Variants in RGS7 observed in about 807,000 individuals in gnomAD.
The protein encoded by RGS7 is regulator of G protein signaling 7.
In RGS7, 27 loss-of-function variants were observed where a neutral mutation model predicts 81.1. The ratio of observed to expected loss-of-function variants is 0.33; its 90% CI spans 0.25 to 0.46. The LOEUF is 0.46. Ranked by LOEUF, RGS7 falls within the 20% of genes least tolerant of loss-of-function variation. The probability of loss-of-function intolerance (pLI) is 1.00; values close to 1 mark genes in which losing one functional copy is unlikely to be tolerated. For missense variants in RGS7, 396 were observed against 607.4 expected (o/e 0.65, Z 3.66); for synonymous variants, 208 against 207.7 (o/e 1.00, Z -0.01).
chr1:240,924,437 AC>A (rs2148317640), intron 6 of RGS7, among the ~76,000 whole-genome samples: 2 of 152,218 alleles, frequency 1.3e-5, no homozygotes, highest in East Asian at 3.9e-4. Context: ...ATAAATCATC[AC>A]CCTACAAGAT....
At chr1:241,175,744 A>G (rs1264596932) in intron 2 of RGS7, among the ~76,000 whole-genome samples, 3 of 152,218 alleles carry the variant, frequency 2.0e-5, no homozygotes, top group South Asian at 2.1e-4. Context: ...TCAGATGTCT[A>G]CGAAGACTGA....
chr1:240,779,628 TTTTGCTTA>T (rs1683640699), intron 18 of RGS7, among the ~76,000 whole-genome samples: 1 of 152,176 alleles, frequency 6.6e-6, no homozygotes. Context: ...GATAAATTTA[TTTTGCTTA>T]TAAGCTACCC....
intron 2 of RGS7, among the ~76,000 whole-genome samples, chr1:241,300,067 A>C (rs2079652595): frequency 3.3e-5 from 5 of 151,692 alleles, no homozygotes; most frequent in Admixed American, 3.3e-4. Context: ...GTGAGCCGTG[A>C]TCACGCCACT....
At chr1:241,351,414 G>A in intron 2 of RGS7, among the ~76,000 whole-genome samples, 1 of 75,470 alleles carries the variant, frequency 1.3e-5, no homozygotes. Context: ...GCAATACCCT[G>A]ACTTTATTTA....
chr1:241,292,817 GAT>G (rs912406934), intron 2 of RGS7, among the ~76,000 whole-genome samples: 26 of 152,194 alleles, frequency 1.7e-4, no homozygotes, highest in African/African-American at 6.0e-4. Flanking sequence ...GTCTTAAAAA[GAT>G]AGCACAGAAA....
chr1:240,815,777 T>C (rs1482037579), intron 11 of RGS7, among the ~76,000 whole-genome samples: 1 of 152,088 alleles, frequency 6.6e-6, no homozygotes, highest in East Asian at 1.9e-4. Context: ...TTACTTGGAG[T>C]CAACACCATT....
rs184935590 is a variant in RGS7 at position 241,327,173 on chromosome 1, G to A, written c.78+28526C>T. ...AAAGAAAGAAAGAAAGAAACACACA[G>A]ACTAAGATCAAGCCATAGGTACAGG... is the stretch of plus-strand genomic sequence containing the variant. On this transcript the variant is annotated intron_variant, in intron 2 of 18. Coordinates refer to ENST00000440928, the MANE Select transcript of RGS7 (RefSeq NM_001364886.1). Among the ~76,000 whole-genome samples, 86 of 146,188 alleles carry A rather than the reference G, an allele frequency of 5.9e-4. 1 individual carries two copies. Among genetic ancestry groups the A allele is most frequent in the African/African-American group, 1.9e-3 (76 of 39,792 alleles).
At chr1:241,290,591 T>A (rs7549927) in intron 2 of RGS7, among the ~76,000 whole-genome samples, 1 of 152,134 alleles carries the variant, frequency 6.6e-6, no homozygotes, top group Admixed American at 6.5e-5. Context: ...TCGCCTAGAA[T>A]AATAAATGAT....
At chr1:241,201,625 T>A (rs2073505022) in intron 2 of RGS7, among the ~76,000 whole-genome samples, 2 of 152,212 alleles carry the variant, frequency 1.3e-5, no homozygotes, top group Non-Finnish European at 2.9e-5. Context: ...CACTTTTTTT[T>A]AATACATATA....
chr1:241,162,980 C>T (rs532010904), intron 2 of RGS7, among the ~76,000 whole-genome samples: 8 of 152,184 alleles, frequency 5.3e-5, no homozygotes, highest in African/African-American at 1.9e-4. Context: ...TTGGAAATGA[C>T]AATATTACTT....
chr1:240,961,966 GAGA>G (rs1366805817), intron 4 of RGS7, among the ~76,000 whole-genome samples: 2 of 152,040 alleles, frequency 1.3e-5, no homozygotes, highest in East Asian at 3.9e-4. Context: ...AAGAGAGAGA[GAGA>G]AGAAAAGAAT....
At chr1:240,921,395 AC>A (rs1673514174) in intron 6 of RGS7, among the ~76,000 whole-genome samples, 1 of 151,930 alleles carries the variant, frequency 6.6e-6, no homozygotes, top group Admixed American at 6.6e-5. Context: ...CCCTCTCGCT[AC>A]TCCTATTTGC....
At chr1:241,324,912 A>G (rs2081407157) in intron 2 of RGS7, among the ~76,000 whole-genome samples, 1 of 152,198 alleles carries the variant, frequency 6.6e-6, no homozygotes. Context: ...AGTATTCTGT[A>G]TTTCTATTAA....
rs2082599165 is a variant in RGS7 at position 241,342,135 on chromosome 1, AAG to A, written c.78+13562_78+13563del. Among the ~76,000 whole-genome samples, 10 of 152,120 alleles carry A rather than the reference AAG, an allele frequency of 6.6e-5. No individual in the cohort carries two copies. In the East Asian group the frequency reaches 1.9e-3, roughly 29 times the overall value. On this transcript the variant is annotated intron_variant, in intron 2 of 18. Coordinates refer to ENST00000440928, the MANE Select transcript of RGS7 (RefSeq NM_001364886.1). ...GAAATCTGTCCACCTCAGCCTTCCA[AAG>A]TGCTGGGATTACAGGCATGAACCAC... is the stretch of plus-strand genomic sequence containing the variant.
chr1:241,306,507 C>T (rs1351770415), intron 2 of RGS7, among the ~76,000 whole-genome samples: 1 of 151,664 alleles, frequency 6.6e-6, no homozygotes, highest in East Asian at 1.9e-4. Flanking sequence ...CACAAACACC[C>T]TCACATGGCC....
At chr1:240,806,608 C>G (rs1033715427) in intron 14 of RGS7, among the ~76,000 whole-genome samples, 21 of 151,004 alleles carry the variant, frequency 1.4e-4, no homozygotes, top group Admixed American at 7.9e-4. Context: ...ATGAAAAACT[C>G]TCTCTTCTAA....
chr1:240,825,946 C>G (rs1446992460), intron 10 of RGS7, among the ~76,000 whole-genome samples: 1 of 152,140 alleles, frequency 6.6e-6, no homozygotes, highest in Non-Finnish European at 1.5e-5. Context: ...TAAAGTATTT[C>G]GAAGAGTAAT....
rs113443488 is a variant in RGS7 at position 240,963,025 on chromosome 1, A to G, written c.226+20054T>C. Among the ~76,000 whole-genome samples the G allele has an allele frequency of 6.9e-3, 1,055 of 152,306 alleles. 15 individuals are homozygous for G. Among genetic ancestry groups the G allele is most frequent in the African/African-American group, 0.024 (1,005 of 41,564 alleles). On this transcript the variant is annotated intron_variant, in intron 4 of 18. Coordinates refer to ENST00000440928, the MANE Select transcript of RGS7 (RefSeq NM_001364886.1). ...ATGATTAGATCTGAGTTTTGGAAAG[A>G]TCATTATAGATGCAGTGAAATGAAT...
chr1:241,327,050 A>AGGGAGGGAGGGAGGGAGGGAGGGAGGG (rs2081577454), intron 2 of RGS7, among the ~76,000 whole-genome samples: 1 of 1,840 alleles, frequency 5.4e-4, no homozygotes, highest in Admixed American at 7.7e-3. Context: ...GAGGGAGGGG[A>AGGGAGGGAGGGAGGGAGGGAGGGAGGG]AAGGAAGGAA....
Sources: allele counts gnomAD v4.1 joint callset (sites outside exome capture counted in the v4.1 genomes callset), GRCh38; gene constraint gnomAD v4.1.1; transcripts MANE v1.5; gene names NCBI Gene and HGNC (gene_info 2026-07-23, HGNC 2026-07-21).